SPATA13: variants seen among roughly 807,000 people sequenced by gnomAD.
SPATA13 encodes spermatogenesis-associated protein 13.
A neutral mutation model predicts 104.0 loss-of-function variants in SPATA13; 50 were observed. That is an observed-to-expected ratio of 0.48 (90% CI 0.38 to 0.61). The LOEUF is 0.61. Among genes scored for constraint, SPATA13 ranks in the 20% least tolerant of loss-of-function variants. The pLI is 0.00. For synonymous variants in SPATA13, 606 were observed against 667.5 expected, an observed-to-expected ratio of 0.91 and a Z score of 1.42; for missense variants, 1,524 against 1,690.6, an observed-to-expected ratio of 0.90 and a Z score of 1.73.
At chr13:24,124,758 A>G (rs1283244725) in intron 3 of SPATA13, among the ~76,000 whole-genome samples, 1 of 152,110 alleles carries the variant, frequency 6.6e-6, no homozygotes, top group African/African-American at 2.4e-5. Flanking sequence ...TTTAATGTGT[A>G]CACTACTTTT....
chr13:24,284,837 A>T (rs2039924), intron 5 of SPATA13, among the ~76,000 whole-genome samples: 2 of 152,154 alleles, frequency 1.3e-5, no homozygotes. Context: ...CCACTATCTC[A>T]TGTAATTCTC....
intron 3 of SPATA13, among the ~76,000 whole-genome samples, chr13:24,024,793 C>T (rs1022087643): frequency 2.0e-5 from 3 of 151,004 alleles, no homozygotes; most frequent in Non-Finnish European, 4.4e-5. Flanking sequence ...TGCAGTGGCA[C>T]ATGCCTGTGG....
At chr13:24,272,000 AT>A (rs771721037) in intron 4 of SPATA13, among the ~76,000 whole-genome samples, 1 of 152,238 alleles carries the variant, frequency 6.6e-6, no homozygotes, top group Non-Finnish European at 1.5e-5. Flanking sequence ...CGATTTCTAT[AT>A]TGAGAACACA....
intron 10 of SPATA13, among the ~76,000 whole-genome samples, 173 bp downstream of exon 10, chr13:24,295,041 G>A (rs183289834): frequency 2.0e-5 from 3 of 152,222 alleles, no homozygotes; most frequent in East Asian, 3.9e-4. Context: ...TTTAACAGTC[G>A]ACTACTTTAT....
chr13:24,119,050 C>T (rs550749830), intron 3 of SPATA13, among the ~76,000 whole-genome samples: 29 of 152,012 alleles, frequency 1.9e-4, no homozygotes, highest in East Asian at 1.6e-3. Context: ...GGCCTGCAGG[C>T]GCCTGCCACC....
intron 3 of SPATA13, among the ~76,000 whole-genome samples, chr13:24,086,308 A>C (rs1162354907): frequency 2.0e-5 from 3 of 152,200 alleles, no homozygotes; most frequent in Non-Finnish European, 4.4e-5. Context: ...TTTAGCTTTC[A>C]CTGGGTGTCC....
intron 1 of SPATA13, among the ~76,000 whole-genome samples, chr13:24,222,216 G>C (rs558715549): frequency 6.6e-6 from 1 of 152,208 alleles, no homozygotes; most frequent in East Asian, 1.9e-4. Flanking sequence ...GGCTGCCCTG[G>C]CATGTCCTTG....
intron 3 of SPATA13, among the ~76,000 whole-genome samples, chr13:24,031,075 C>T (rs1252557637): frequency 6.6e-6 from 1 of 152,112 alleles, no homozygotes; most frequent in African/African-American, 2.4e-5. Flanking sequence ...TTCTCCCATT[C>T]AAAGTAGCAA....
intron 3 of SPATA13, among the ~76,000 whole-genome samples, chr13:24,064,415 A>G (rs1878880119): frequency 6.6e-6 from 1 of 152,150 alleles, no homozygotes. Context: ...TGAAGTTTAT[A>G]TGTTGAAATC....
intron 1 of SPATA13, among the ~76,000 whole-genome samples, chr13:24,166,498 G>A (rs766868369): frequency 6.6e-6 from 1 of 152,182 alleles, no homozygotes; most frequent in African/African-American, 2.4e-5. Flanking sequence ...CCAGCTTGGT[G>A]ACTTGAGGGA....
chr13:24,211,322 A>G (rs7322284), intron 1 of SPATA13, among the ~76,000 whole-genome samples: 34,942 of 152,024 alleles, frequency 0.23, 4,389 homozygotes, highest in South Asian at 0.3. Flanking sequence ...GGACATCCTT[A>G]TCTTATTTCT....
At chr13:24,129,946 C>T (rs998444713) in intron 3 of SPATA13, among the ~76,000 whole-genome samples, 1 of 152,178 alleles carries the variant, frequency 6.6e-6, no homozygotes, top group Admixed American at 6.5e-5. Flanking sequence ...CTGTACTGCT[C>T]CCGGGTGGAG....
chr13:24,130,259 C>G (rs1471404419), intron 3 of SPATA13, among the ~76,000 whole-genome samples: 3 of 152,208 alleles, frequency 2.0e-5, no homozygotes, highest in Non-Finnish European at 4.4e-5. Flanking sequence ...TGGCTTCACA[C>G]ACACGGCCAG....
chr13:24,193,143 A>G (rs1411573875), intron 1 of SPATA13, among the ~76,000 whole-genome samples: 2 of 152,212 alleles, frequency 1.3e-5, no homozygotes, highest in Admixed American at 1.3e-4. Flanking sequence ...GAGGACCTTC[A>G]GGAAGCTTTG....
rs373928247 is a variant in SPATA13 at position 24,176,909 on chromosome 13, G to A, written c.-112+15977G>A. 1.2e-4 allele frequency among the ~76,000 whole-genome samples: 18 copies of A among 152,184 alleles called. 1 individual carries two copies. The highest frequency in any genetic ancestry group is 3.3e-4 in the Admixed American group (5 of 15,286). ...TTTCTGAGTAGCTGGGACCACAGAC[G>A]TGTGCCACCACGCGCAGCTTATTTT... On this transcript the variant is annotated intron_variant, in intron 1 of 12. Coordinates refer to ENST00000382108, the MANE Select transcript of SPATA13 (RefSeq NM_001166271.3).
chr13:24,067,447 A>C (rs1276879534), intron 3 of SPATA13, among the ~76,000 whole-genome samples: 1 of 152,216 alleles, frequency 6.6e-6, no homozygotes, highest in Non-Finnish European at 1.5e-5. Flanking sequence ...AGACATAAAG[A>C]ACTACTTTTC....
At chr13:24,235,585 C>A (rs1872527109) in intron 2 of SPATA13, among the ~76,000 whole-genome samples, 1 of 152,040 alleles carries the variant, frequency 6.6e-6, no homozygotes, top group Non-Finnish European at 1.5e-5. Flanking sequence ...CATAGTGAGA[C>A]CTTGTCTCTT....
chr13:24,220,649 G>A (rs1447028607), intron 1 of SPATA13, among the ~76,000 whole-genome samples: 1 of 152,176 alleles, frequency 6.6e-6, no homozygotes, highest in African/African-American at 2.4e-5. Context: ...AGCTCCTCTG[G>A]CCCCCTAATT....
intron 3 of SPATA13, among the ~76,000 whole-genome samples, chr13:24,126,178 G>A (rs2137829704): frequency 6.6e-6 from 1 of 152,266 alleles, no homozygotes; most frequent in Middle Eastern, 3.4e-3. Flanking sequence ...CTTGCTACAG[G>A]GACTTCCTCT....
Sources: allele counts gnomAD v4.1 joint callset (sites outside exome capture counted in the v4.1 genomes callset), GRCh38; gene constraint gnomAD v4.1.1; transcripts MANE v1.5; gene names NCBI Gene and HGNC (gene_info 2026-07-23, HGNC 2026-07-21).